The following BBS9 variants were observed in gnomAD, a reference collection of about 807,000 sequenced individuals.
BBS9 encodes the protein Bardet-Biedl syndrome 9, also known as protein PTHB1.
A neutral mutation model predicts 117.7 loss-of-function variants in BBS9; 89 were observed. That is an observed-to-expected ratio of 0.76 (90% CI 0.64 to 0.90). The LOEUF (loss-of-function observed/expected upper bound fraction) is 0.90. Ranked by LOEUF, BBS9 falls within the 40% of genes least tolerant of loss-of-function variation. The pLI is 0.00. For synonymous variants in BBS9, 379 were observed against 370.9 expected, an observed-to-expected ratio of 1.02 and a Z score of -0.25; for missense variants, 982 against 1,042.2, an observed-to-expected ratio of 0.94 and a Z score of 0.80.
At chr7:33,216,838 G>A (rs1789157983) in intron 5 of BBS9, among the ~76,000 whole-genome samples, 1 of 152,234 alleles carries the variant, frequency 6.6e-6, no homozygotes, top group African/African-American at 2.4e-5. Context: ...GCTCATGCTT[G>A]TAATCCCAAT....
chr7:33,324,939 A>T (rs1181695405), intron 9 of BBS9, among the ~76,000 whole-genome samples: 4 of 152,056 alleles, frequency 2.6e-5, no homozygotes, highest in African/African-American at 9.7e-5. Context: ...TTTGATTATT[A>T]ATGATCTTGC....
intron 19 of BBS9, among the ~76,000 whole-genome samples, chr7:33,478,096 G>T (rs1222575491): frequency 6.6e-6 from 1 of 152,126 alleles, no homozygotes; most frequent in African/African-American, 2.4e-5. Context: ...AGAAATTCCA[G>T]ATCTGTGAAA....
intron 5 of BBS9, among the ~76,000 whole-genome samples, chr7:33,251,302 G>GT (rs1410190714): frequency 6.6e-6 from 1 of 152,158 alleles, no homozygotes; most frequent in African/African-American, 2.4e-5. Flanking sequence ...TTTTCCTCTA[G>GT]TTCCAGCTCA....
chr7:33,559,228 T>C (rs1855729708), intron 21 of BBS9, among the ~76,000 whole-genome samples: 1 of 152,200 alleles, frequency 6.6e-6, no homozygotes. Context: ...GAATAAACAC[T>C]GCACAGCTGT....
chr7:33,429,620 A>C (rs915121885), intron 19 of BBS9, among the ~76,000 whole-genome samples: 2 of 152,158 alleles, frequency 1.3e-5, no homozygotes, highest in East Asian at 3.9e-4. Flanking sequence ...TCTGCATTAT[A>C]AAATGGGGTT....
chr7:33,264,904 G>A (rs1417939274), intron 7 of BBS9, among the ~76,000 whole-genome samples: 1 of 151,994 alleles, frequency 6.6e-6, no homozygotes, highest in Non-Finnish European at 1.5e-5. Flanking sequence ...GTAACTAGTA[G>A]GCATGCGACC....
intron 5 of BBS9, among the ~76,000 whole-genome samples, chr7:33,256,502 C>G (rs1797106788): frequency 6.6e-6 from 1 of 151,550 alleles, no homozygotes; most frequent in Non-Finnish European, 1.5e-5. Context: ...TTTTTTTTAG[C>G]CTCTTTTGGT....
At chr7:33,620,751 A>G (rs1469905621) in intron 21 of BBS9, among the ~76,000 whole-genome samples, 1 of 152,156 alleles carries the variant, frequency 6.6e-6, no homozygotes, top group East Asian at 1.9e-4. Context: ...TCAAATTTGT[A>G]TGCAACCACA....
At chr7:33,405,836 C>G (rs1211324651) in intron 19 of BBS9, among the ~76,000 whole-genome samples, 1 of 152,078 alleles carries the variant, frequency 6.6e-6, no homozygotes, top group Non-Finnish European at 1.5e-5. Context: ...TTTTGTGTCT[C>G]TATTTCCTTC....
At chr7:33,272,861 T>C (rs1479229722) in intron 7 of BBS9, 151 bp from the exon 8 acceptor site, 1 of 801,414 alleles carries the variant, frequency 1.2e-6, no homozygotes, top group Non-Finnish European at 2.0e-6. Flanking sequence ...ATGGTCATAG[T>C]GATAAAAAAA....
intron 19 of BBS9, among the ~76,000 whole-genome samples, chr7:33,406,095 A>G (rs976421146): frequency 3.3e-5 from 5 of 152,018 alleles, no homozygotes; most frequent in African/African-American, 9.7e-5. Flanking sequence ...TCATTTCGTT[A>G]TGTACCCAGT....
intron 9 of BBS9, among the ~76,000 whole-genome samples, chr7:33,274,887 T>A (rs1800457265): frequency 6.8e-6 from 1 of 148,046 alleles, no homozygotes; most frequent in Admixed American, 6.9e-5. Flanking sequence ...CCCAGCTGCT[T>A]GGGAGGCTGA....
intron 4 of BBS9, among the ~76,000 whole-genome samples, chr7:33,158,816 A>G (rs1217337391): frequency 6.6e-6 from 1 of 151,168 alleles, no homozygotes; most frequent in Non-Finnish European, 1.5e-5. Context: ...AGTTTAATTG[A>G]GCAAAGAATG....
chr7:33,271,128 G>T (rs1328142458), intron 7 of BBS9, among the ~76,000 whole-genome samples: 1 of 152,114 alleles, frequency 6.6e-6, no homozygotes, highest in Non-Finnish European at 1.5e-5. Context: ...ATATGTGAAG[G>T]AGAAATAAGG....
chr7:33,178,273 G>C (rs923269314), intron 5 of BBS9, among the ~76,000 whole-genome samples: 1 of 152,198 alleles, frequency 6.6e-6, no homozygotes, highest in Non-Finnish European at 1.5e-5. Context: ...AGGAAGGGGT[G>C]CTTTTTCTGT....
At chr7:33,212,352 C>T (rs976892548) in intron 5 of BBS9, among the ~76,000 whole-genome samples, 5 of 152,180 alleles carry the variant, frequency 3.3e-5, no homozygotes, top group Admixed American at 6.5e-5. Flanking sequence ...TTAAGAGACT[C>T]TGATGCACTC....
chr7:33,335,846 A>C (rs1241433005), intron 9 of BBS9, among the ~76,000 whole-genome samples: 1 of 152,168 alleles, frequency 6.6e-6, no homozygotes, highest in African/African-American at 2.4e-5. Flanking sequence ...GTGTGAAGGA[A>C]GCTGTGATGG....
intron 19 of BBS9, among the ~76,000 whole-genome samples, chr7:33,505,130 G>A (rs928145953): frequency 4.6e-5 from 7 of 152,144 alleles, no homozygotes; most frequent in African/African-American, 1.4e-4. Flanking sequence ...AATAAAGACT[G>A]TGATAACTTT....
chr7:33,219,052 C>T (rs146815660), intron 5 of BBS9, among the ~76,000 whole-genome samples: 18 of 152,272 alleles, frequency 1.2e-4, no homozygotes, highest in African/African-American at 2.6e-4. Flanking sequence ...GTGGGCTTGG[C>T]GGGCCCCGCA....
Sources: gnomAD v4.1 joint callset for allele counts (sites outside exome capture counted in the v4.1 genomes callset) on GRCh38, gnomAD v4.1.1 for gene constraint, MANE v1.5 for transcripts, NCBI Gene and HGNC (gene_info 2026-07-23, HGNC 2026-07-21) for gene names.